STN1: variants seen among roughly 807,000 people sequenced by gnomAD.
STN1 encodes CST complex subunit STN1.
STN1 carries 29 observed loss-of-function variants against 45.5 expected under a neutral mutation model. The observed-to-expected ratio is 0.64, with a 90% CI of 0.47 to 0.87. The LOEUF is 0.87. Among genes scored for constraint, STN1 ranks in the 40% least tolerant of loss-of-function variants. STN1 has a pLI of 0.00. For missense variants in STN1, 376 were observed against 441.4 expected (o/e 0.85, Z 1.33); for synonymous variants, 148 against 159.0 (o/e 0.93, Z 0.52).
At chr10:103,894,589 C>T (rs138079468) in intron 7 of STN1, among the ~76,000 whole-genome samples, 1 of 152,022 alleles carries the variant, frequency 6.6e-6, no homozygotes, top group East Asian at 1.9e-4. Flanking sequence ...TCGTCTCTTC[C>T]AGCCAGCAGC....
chr10:103,893,232 GA>G (rs2134361869), intron 7 of STN1, among the ~76,000 whole-genome samples: 1 of 151,864 alleles, frequency 6.6e-6, no homozygotes, highest in South Asian at 2.1e-4. Context: ...GCAGTGGCGC[GA>G]TCTCAGCTCA....
chr10:103,884,762 G>C (rs1177723240), intron 9 of STN1, among the ~76,000 whole-genome samples: 1 of 152,222 alleles, frequency 6.6e-6, no homozygotes, highest in South Asian at 2.1e-4. Context: ...CCCTAGGCCT[G>C]AGTGTTCTCA....
intron 3 of STN1, among the ~76,000 whole-genome samples, chr10:103,908,241 T>G (rs979504393): frequency 4.6e-5 from 7 of 151,818 alleles, no homozygotes; most frequent in African/African-American, 1.5e-4. Context: ...TGCTACCAAG[T>G]GTTCTGTGCA....
At chr10:103,887,522 A>G in intron 9 of STN1, among the ~76,000 whole-genome samples, 1 of 152,174 alleles carries the variant, frequency 6.6e-6, no homozygotes, top group South Asian at 2.1e-4. Context: ...ATACGTTACT[A>G]TTCTGAATTG....
chr10:103,892,666 T>C (rs1843147485), intron 7 of STN1, among the ~76,000 whole-genome samples: 1 of 152,202 alleles, frequency 6.6e-6, no homozygotes, highest in African/African-American at 2.4e-5. Context: ...TTTTTGTATG[T>C]TGGAATAATT....
intron 4 of STN1, among the ~76,000 whole-genome samples, chr10:103,901,048 CTAGT>C (rs977426186): frequency 2.6e-5 from 4 of 152,164 alleles, no homozygotes; most frequent in Admixed American, 2.6e-4. Flanking sequence ...AGTAGAACAG[CTAGT>C]TAGAGACAAG....
At chr10:103,909,766 A>C (rs1843278426) in intron 3 of STN1, among the ~76,000 whole-genome samples, 1 of 152,060 alleles carries the variant, frequency 6.6e-6, no homozygotes, top group African/African-American at 2.4e-5. Flanking sequence ...TAAGAATACA[A>C]ATCCAAGGCA....
chr10:103,910,440 A>C (rs1843282201), intron 3 of STN1, 87 bp downstream of exon 3: 1 of 845,146 alleles, frequency 1.2e-6, no homozygotes, highest in African/African-American at 1.7e-5. Context: ...CAGCTACTCT[A>C]AATGGCTGGG....
At chr10:103,914,369 T>TTTTTTTTTTTTG in intron 2 of STN1, among the ~76,000 whole-genome samples, 1 of 8,464 alleles carries the variant, frequency 1.2e-4, no homozygotes, top group Non-Finnish European at 2.9e-4. Flanking sequence ...TATATATATA[T>TTTTTTTTTTTTG]ATATATTTTT....
At chr10:103,910,710 T>TA (rs974004380) in intron 2 of STN1, 88 bp from the exon 3 acceptor site, 7 of 690,552 alleles carry the variant, frequency 1.0e-5, no homozygotes, top group African/African-American at 5.4e-5. Context: ...GAAGGGAGTG[T>TA]AAAAAAATCA....
intron 2 of STN1, among the ~76,000 whole-genome samples, chr10:103,911,980 T>C (rs1273474492): frequency 3.3e-5 from 5 of 152,072 alleles, no homozygotes; most frequent in Non-Finnish European, 7.4e-5. Context: ...GTGGCAAATT[T>C]AGCCAAAAGC....
chr10:103,917,129 G>C (rs936245122), intron 2 of STN1, among the ~76,000 whole-genome samples: 1 of 152,012 alleles, frequency 6.6e-6, no homozygotes, highest in African/African-American at 2.4e-5. Context: ...CCAGGCCTAG[G>C]AATATCTGGC....
At chr10:103,899,833 A>C in intron 5 of STN1, 1 of 469,820 alleles carries the variant, frequency 2.1e-6, no homozygotes, top group Non-Finnish European at 3.7e-6. Context: ...CCAACCATAT[A>C]TAAAGTAAAT....
chr10:103,893,419 C>T (rs1478043281), intron 7 of STN1, among the ~76,000 whole-genome samples: 6 of 152,158 alleles, frequency 3.9e-5, no homozygotes, highest in South Asian at 4.1e-4. Context: ...CCACCCGCCT[C>T]GGCCTCTCAA....
At chr10:103,887,819 TA>T (rs1314567572) in intron 9 of STN1, among the ~76,000 whole-genome samples, 3 of 152,334 alleles carry the variant, frequency 2.0e-5, no homozygotes, top group African/African-American at 7.2e-5. Context: ...TCATGTGCTT[TA>T]CTAGCCCTAG....
rs544934672 is a variant in STN1 at position 103,885,648 on chromosome 10, C to T, written c.950-2807G>A. Among the ~76,000 whole-genome samples the T allele has an allele frequency of 3.9e-5, 6 of 152,256 alleles. No individual in the cohort carries two copies. The East Asian group carries it at 1.2e-3, about 29-fold the overall frequency. On this transcript the variant is annotated intron_variant, in intron 9 of 9. Transcript: ENST00000224950. ...TCGAACTCCTGGCCTAAGCAATCCT[C>T]CCAAGCATTGGGATTATGGGAGTGA...
At chr10:103,902,288 T>C (rs574658989) in intron 4 of STN1, among the ~76,000 whole-genome samples, 154 of 152,286 alleles carry the variant, frequency 1.0e-3, no homozygotes, top group Non-Finnish European at 1.9e-3. Flanking sequence ...AAGTAGCAGT[T>C]CCTATCCCCA....
Position 103,878,184 on chromosome 10 carries a change from C to T in STN1, c.*4500G>A, listed in dbSNP as rs1016387196. ...AAACAAATCCTTGACCAGACAGTAG[C>T]ACTATTTGTCTTCTTGCCTACACAA... On this transcript the variant is annotated 3_prime_UTR_variant, in exon 10 of 10. Coordinates refer to ENST00000224950, the MANE Select transcript of STN1 (RefSeq NM_024928.5). 4 of 152,228 alleles carry T rather than the reference C, an allele frequency of 2.6e-5. No homozygotes were observed. The highest frequency in any genetic ancestry group is 7.2e-5 in the African/African-American group (3 of 41,464). The allele number at this position is 152,228 out of a possible 1,614,324, so 9.4% of individuals were successfully genotyped here.
At chr10:103,891,498 C>G (rs543675437) in intron 8 of STN1, among the ~76,000 whole-genome samples, 1 of 152,286 alleles carries the variant, frequency 6.6e-6, no homozygotes, top group Non-Finnish European at 1.5e-5. Flanking sequence ...AGGTGAAGGT[C>G]AGGCATGCTG....
Sources: allele counts gnomAD v4.1 joint callset (sites outside exome capture counted in the v4.1 genomes callset), GRCh38; gene constraint gnomAD v4.1.1; transcripts MANE v1.5; gene names NCBI Gene and HGNC (gene_info 2026-07-23, HGNC 2026-07-21).